Variants in CDH23 observed in about 807,000 individuals in gnomAD.
CDH23 encodes cadherin-23.
In CDH23, 189 loss-of-function variants were observed where a neutral mutation model predicts 317.1. The ratio of observed to expected loss-of-function variants is 0.60; its 90% CI spans 0.53 to 0.67. The LOEUF (loss-of-function observed/expected upper bound fraction) is 0.67, where lower values mean the gene tolerates loss of function less well. Among genes scored for constraint, CDH23 ranks in the 30% least tolerant of loss-of-function variants. CDH23 has a pLI of 0.00. For synonymous variants in CDH23, 1,839 were observed against 1,876.8 expected, an observed-to-expected ratio of 0.98 and a Z score of 0.52; for missense variants, 4,401 against 4,592.4, an observed-to-expected ratio of 0.96 and a Z score of 1.20.
At chr10:71,429,611 G>A (rs1335194030) in intron 1 of CDH23, among the ~76,000 whole-genome samples, 1 of 151,872 alleles carries the variant, frequency 6.6e-6, no homozygotes, top group Non-Finnish European at 1.5e-5. Flanking sequence ...TACAGTGATC[G>A]GGGACAGGGG....
chr10:71,564,955 A>G (rs968158693), intron 6 of CDH23, among the ~76,000 whole-genome samples: 7 of 152,276 alleles, frequency 4.6e-5, no homozygotes, highest in African/African-American at 1.7e-4. Context: ...ACAAAACAGT[A>G]TCTTATATTA....
rs79290186 is a variant in CDH23 at position 71,640,381 on chromosome 10, T to A, written c.1135-3480T>A. On this transcript the variant is annotated intron_variant, in intron 11 of 69. Coordinates refer to ENST00000224721, the MANE Select transcript of CDH23 (RefSeq NM_022124.6). ...ATGCTCTTCAGTTCTGTCTTGCTTCTTCCCAGCATCACTCTATCCTGATGG... is the reference window on the plus strand; with the variant it reads ...ATGCTCTTCAGTTCTGTCTTGCTTCATCCCAGCATCACTCTATCCTGATGG... Among the ~76,000 whole-genome samples the A allele has an allele frequency of 7.8e-3, 1,190 of 152,354 alleles. 16 individuals carry two copies. The highest frequency in any genetic ancestry group is 0.027 in the African/African-American group (1,127 of 41,576).
chr10:71,663,884 C>G (rs1383942056), intron 14 of CDH23, among the ~76,000 whole-genome samples: 2 of 152,044 alleles, frequency 1.3e-5, no homozygotes, highest in Non-Finnish European at 2.9e-5. Context: ...ACCTGTAATC[C>G]CAGCTACTCT....
rs1054635 is a variant in CDH23 at position 71,815,788 on chromosome 10, G to A, written c.*510G>A. 0.084 allele frequency: 13,134 copies of A among 156,392 alleles called. 872 individuals carry two copies. The highest frequency in any genetic ancestry group is 0.28 in the East Asian group (1,494 of 5,274). The allele number at this position is 156,392 out of a possible 1,614,324, so 9.7% of individuals were successfully genotyped here. ...GTCCAGGTGGAGGTGGCATCCCCAC[G>A]TGGACAAGAAAGTCAATGTCAATGA... is the stretch of plus-strand genomic sequence containing the variant. On this transcript the variant is annotated 3_prime_UTR_variant, in exon 70 of 70. Coordinates refer to ENST00000224721, the MANE Select transcript of CDH23 (RefSeq NM_022124.6).
At chr10:71,425,752 T>C (rs1188342048) in intron 1 of CDH23, among the ~76,000 whole-genome samples, 1 of 152,234 alleles carries the variant, frequency 6.6e-6, no homozygotes, top group Non-Finnish European at 1.5e-5. Context: ...AAGTTGATCC[T>C]CTGAGAGCTC....
At chr10:71,772,396 GC>G (rs1840706547) in intron 38 of CDH23, among the ~76,000 whole-genome samples, 1 of 152,102 alleles carries the variant, frequency 6.6e-6, no homozygotes, top group Non-Finnish European at 1.5e-5. Flanking sequence ...CTTTCCCTGG[GC>G]CCTCCCTATA....
chr10:71,415,855 A>G (rs1418907319), intron 1 of CDH23, among the ~76,000 whole-genome samples: 1 of 152,230 alleles, frequency 6.6e-6, no homozygotes, highest in African/African-American at 2.4e-5. Context: ...ATCAAAGAAT[A>G]TACTTTTACT....
At chr10:71,719,500 C>T (rs931739231) in intron 28 of CDH23, 1 of 152,478 alleles carries the variant, frequency 6.6e-6, no homozygotes, top group East Asian at 1.9e-4. Flanking sequence ...CCTTGTTTCC[C>T]CTCTCTACAG....
At chr10:71,568,683 T>C (rs980053433) in intron 7 of CDH23, among the ~76,000 whole-genome samples, 1 of 152,196 alleles carries the variant, frequency 6.6e-6, no homozygotes, top group South Asian at 2.1e-4. Context: ...GCTGAGCACT[T>C]CCCCAAGGAA....
At position 71,802,950 on chromosome 10, in the gene CDH23, C is replaced by T. The variant is rs1225282897; in HGVS notation, c.7535C>T (p.Pro2512Leu). Residue 2512 changes from proline (P) to leucine (L), a missense_variant, in exon 54 of 70, where the codon CCC becomes CTC. By Grantham distance (98) the Pro-to-Leu change is moderately conservative. Coordinates refer to ENST00000224721, the MANE Select transcript of CDH23 (RefSeq NM_022124.6). ...GACTGCCGGCCACAGTTCTCCAAGC[C>T]CCAGTTCAGCACAAGCGTGTATGAG... ...VNDCRPQFSK[P>L]QFSTSVYENE... The T allele has an allele frequency of 1.2e-6, 2 of 1,614,010 alleles. No homozygotes were observed. The highest frequency in any genetic ancestry group is 1.7e-6 in the Non-Finnish European group (2 of 1,179,894).
chr10:71,590,836 A>G (rs575358724), intron 9 of CDH23, among the ~76,000 whole-genome samples: 5 of 143,552 alleles, frequency 3.5e-5, no homozygotes, highest in African/African-American at 1.3e-4. Flanking sequence ...ACTGCACTCC[A>G]GACTCCAGCC....
chr10:71,558,293 C>G (rs1452746493), intron 6 of CDH23, among the ~76,000 whole-genome samples: 2 of 152,178 alleles, frequency 1.3e-5, no homozygotes, highest in African/African-American at 4.8e-5. Context: ...AGCCACCATG[C>G]CTGGCCTGTA....
At chr10:71,805,743 C>A in intron 55 of CDH23, 63 bp from the exon 56 acceptor site, 1 of 1,495,392 alleles carries the variant, frequency 6.7e-7, no homozygotes, top group East Asian at 2.4e-5. Context: ...AGGGCTCCCT[C>A]AGGACCTAGG....
intron 22 of CDH23, among the ~76,000 whole-genome samples, chr10:71,696,389 C>G (rs1241084355): frequency 1.3e-5 from 2 of 152,238 alleles, no homozygotes; most frequent in Non-Finnish European, 2.9e-5. Context: ...GAACTCTCTC[C>G]TCCTCACTGT....
At chr10:71,418,269 C>CTT (rs1201496354) in intron 1 of CDH23, among the ~76,000 whole-genome samples, 1 of 152,148 alleles carries the variant, frequency 6.6e-6, no homozygotes, top group Non-Finnish European at 1.5e-5. Flanking sequence ...TGTAGAGGAT[C>CTT]TGAATGATGC....
At chr10:71,740,002 G>C (rs926080323) in intron 36 of CDH23, among the ~76,000 whole-genome samples, 13 of 152,220 alleles carry the variant, frequency 8.5e-5, no homozygotes, top group African/African-American at 2.9e-4. Context: ...GGAGGTAGTT[G>C]AGGTGTCTTC....
intron 3 of CDH23, among the ~76,000 whole-genome samples, chr10:71,507,856 G>A (rs1264250129): frequency 1.3e-5 from 2 of 152,222 alleles, no homozygotes; most frequent in African/African-American, 4.8e-5. Context: ...TCTAGAAAGA[G>A]CAATGAACTG....
intron 1 of CDH23, among the ~76,000 whole-genome samples, chr10:71,417,042 T>C (rs1158446472): frequency 6.6e-6 from 1 of 151,614 alleles, no homozygotes; most frequent in Non-Finnish European, 1.5e-5. Flanking sequence ...TTTTTCTTTC[T>C]TTCTTTTTTG....
chr10:71,805,745 G>A, intron 55 of CDH23, 61 bp from the exon 56 acceptor site: 2 of 1,505,924 alleles, frequency 1.3e-6, no homozygotes, highest in Non-Finnish European at 1.8e-6. Flanking sequence ...GGCTCCCTCA[G>A]GACCTAGGAG....
Sources: gnomAD v4.1 joint callset for allele counts (sites outside exome capture counted in the v4.1 genomes callset) on GRCh38, gnomAD v4.1.1 for gene constraint, MANE v1.5 for transcripts, NCBI Gene and HGNC (gene_info 2026-07-23, HGNC 2026-07-21) for gene names.